ARMC3: variants seen among roughly 807,000 people sequenced by gnomAD.
The protein encoded by ARMC3 is armadillo repeat containing 3.
ARMC3 carries 74 observed loss-of-function variants against 90.3 expected under a neutral mutation model. The ratio of observed to expected loss-of-function variants is 0.82; its 90% CI spans 0.68 to 0.99. The LOEUF (loss-of-function observed/expected upper bound fraction) is 0.99. Among genes scored for constraint, ARMC3 ranks in the 50% least tolerant of loss-of-function variants. ARMC3 has a pLI of 0.00. For missense variants in ARMC3, 958 were observed against 1,042.8 expected, an observed-to-expected ratio of 0.92 and a Z score of 1.12; for synonymous variants, 334 against 361.8, an observed-to-expected ratio of 0.92 and a Z score of 0.87.
At chr10:22,973,980 G>A (rs756765525) in intron 8 of ARMC3, among the ~76,000 whole-genome samples, 1 of 151,784 alleles carries the variant, frequency 6.6e-6, no homozygotes, top group Non-Finnish European at 1.5e-5. Flanking sequence ...GGATGGTCTT[G>A]ATCTCCTGAC....
At chr10:22,982,396 A>T (rs894660061) in intron 10 of ARMC3, among the ~76,000 whole-genome samples, 16 of 152,242 alleles carry the variant, frequency 1.1e-4, no homozygotes, top group Non-Finnish European at 2.4e-4. Context: ...ACAAACAAAC[A>T]AACCAAAGCA....
intron 8 of ARMC3, among the ~76,000 whole-genome samples, chr10:22,981,104 C>A (rs985757109): frequency 6.6e-6 from 1 of 152,202 alleles, no homozygotes; most frequent in Non-Finnish European, 1.5e-5. Context: ...CTAGTACAGA[C>A]TTTCCTTGGC....
Position 22,963,694 on chromosome 10 carries a change from G to A in ARMC3, c.732+1616G>A, listed in dbSNP as rs577543241. On this transcript the variant is annotated intron_variant, in intron 7 of 18. Transcript: ENST00000298032. Reference sequence around the variant, plus strand: ...ATCACAAGGTCAGGAGATCGAGACCGTCTTGCCCAACATGGTGAAACCCCG... The same window carrying A: ...ATCACAAGGTCAGGAGATCGAGACCATCTTGCCCAACATGGTGAAACCCCG... Among the ~76,000 whole-genome samples, 283 of 151,718 alleles carry A rather than the reference G, an allele frequency of 1.9e-3. 1 individual carries two copies. Among genetic ancestry groups the A allele is most frequent in the African/African-American group, 6.3e-3 (259 of 41,388 alleles).
At chr10:23,012,436 A>G (rs1838060090) in intron 16 of ARMC3, among the ~76,000 whole-genome samples, 2 of 151,556 alleles carry the variant, frequency 1.3e-5, no homozygotes, top group African/African-American at 4.9e-5. Context: ...TTTAGCTCCC[A>G]CTCCAAAGCT....
intron 16 of ARMC3, among the ~76,000 whole-genome samples, chr10:23,020,707 T>C (rs1838474889): frequency 6.6e-6 from 1 of 152,240 alleles, no homozygotes; most frequent in South Asian, 2.1e-4. Context: ...GTTAGCATTT[T>C]TTCATGTGCT....
chr10:22,976,665 T>G (rs1340450191), intron 8 of ARMC3, among the ~76,000 whole-genome samples: 1 of 152,206 alleles, frequency 6.6e-6, no homozygotes, highest in Non-Finnish European at 1.5e-5. Flanking sequence ...TTCAGCTGCC[T>G]CCTTATTTGC....
Position 23,032,872 on chromosome 10 carries a change from A to G in ARMC3, c.2258A>G (p.Glu753Gly), listed in dbSNP as rs749335573. Residue 753 changes from glutamate to glycine, a missense_variant, in exon 18 of 19, where the codon GAA (glutamate) becomes GGA (glycine). By Grantham distance (98) the Glu-to-Gly change is moderately conservative. Transcript: ENST00000298032. ...QIEDLAKYVAEKMGGKIPKEK... is the reference protein window; with the variant it reads ...QIEDLAKYVAGKMGGKIPKEK... ...TGTAATTGACACAGGTATGTAGCAG[A>G]AAAAATGGGTGGTAAGATTCCAAAA... 6.8e-6 allele frequency: 11 copies of G among 1,611,838 alleles called. No homozygotes were observed. Among genetic ancestry groups the G allele is most frequent in the Non-Finnish European group, 9.3e-6 (11 of 1,179,010 alleles).
intron 16 of ARMC3, among the ~76,000 whole-genome samples, chr10:23,009,336 C>G (rs373792464): frequency 2.6e-5 from 4 of 152,356 alleles, no homozygotes; most frequent in East Asian, 1.9e-4. Flanking sequence ...GTCCCACGCT[C>G]TCTCCTCCCG....
At chr10:22,939,864 T>C (rs905202607) in intron 2 of ARMC3, among the ~76,000 whole-genome samples, 1 of 151,880 alleles carries the variant, frequency 6.6e-6, no homozygotes, top group East Asian at 1.9e-4. Flanking sequence ...AAAGGCAGAA[T>C]AAAAGGAACA....
At chr10:23,024,393 C>CATAGATAGATAG (rs546077538) in intron 16 of ARMC3, among the ~76,000 whole-genome samples, 195 of 133,540 alleles carry the variant, frequency 1.5e-3, no homozygotes, top group African/African-American at 4.6e-3. Context: ...AGGAATGCCA[C>CATAGATAGATAG]ATAGATAGAT....
chr10:22,994,324 G>A (rs1588890297), intron 10 of ARMC3, among the ~76,000 whole-genome samples: 1 of 152,204 alleles, frequency 6.6e-6, no homozygotes, highest in African/African-American at 2.4e-5. Context: ...AACAGGAAGA[G>A]GCGGCGAGGG....
chr10:23,028,406 T>G lies in ARMC3; in HGVS notation c.2046-2190T>G, dbSNP rs530484481. ...TTTGATCTTACTTCTTGAAGCATTTTTAAAGTCTTTGTGTAATCAACATCT... is the reference window on the plus strand; with the variant it reads ...TTTGATCTTACTTCTTGAAGCATTTGTAAAGTCTTTGTGTAATCAACATCT... On this transcript the variant is annotated intron_variant, in intron 16 of 18. Coordinates refer to ENST00000298032, the MANE Select transcript of ARMC3 (RefSeq NM_173081.5). Among the ~76,000 whole-genome samples the G allele has an allele frequency of 3.3e-5, 5 of 152,348 alleles. No individual in the cohort carries two copies. In the East Asian group the frequency reaches 5.8e-4, roughly 18 times the overall value.
intron 10 of ARMC3, among the ~76,000 whole-genome samples, chr10:22,997,845 C>A (rs934229061): frequency 2.6e-5 from 4 of 151,978 alleles, no homozygotes; most frequent in Admixed American, 6.6e-5. Flanking sequence ...AATGGTTGTA[C>A]CTTTTTTTTA....
intron 8 of ARMC3, among the ~76,000 whole-genome samples, chr10:22,978,779 T>A: frequency 6.6e-6 from 1 of 152,056 alleles, no homozygotes; most frequent in Non-Finnish European, 1.5e-5. Context: ...TTGACAAATA[T>A]TGCTCCTTAT....
In ARMC3 at chr10:23,008,828, C is replaced by T; in HGVS notation, c.1942C>T (p.His648Tyr). The change falls in exon 16 of 19, where the codon CAT becomes TAT. Residue 648 changes from histidine (H) to tyrosine (Y), a missense_variant. Physicochemically the swap from His to Tyr is moderately conservative, Grantham distance 83 (BLOSUM62 2). Coordinates refer to ENST00000298032, the MANE Select transcript of ARMC3 (RefSeq NM_173081.5). The part of the protein sequence containing the change: ...SKEKNKKNSY[H>Y]FSAGFGSPIE... ...TCAAATGACAAGAAAAAATAGTTAT[C>T]ATTTTAGTGCTGGATTTGGATCTCC... The T allele has an allele frequency of 6.2e-7, 1 of 1,611,002 alleles. No homozygotes were observed.
chr10:22,963,914 CACACACACAAAAAAAAAA>C (rs1835321126), intron 7 of ARMC3, among the ~76,000 whole-genome samples: 1 of 30,730 alleles, frequency 3.3e-5, no homozygotes, highest in African/African-American at 1.3e-4. Flanking sequence ...CACACACACA[CACACACACAAAAAAAAAA>C]AAAAAAAAAA....
intron 16 of ARMC3, among the ~76,000 whole-genome samples, chr10:23,024,407 T>TAGAC (rs1339172300): frequency 8.1e-6 from 1 of 123,432 alleles, no homozygotes; most frequent in African/African-American, 2.7e-5. Context: ...GATAGATAGA[T>TAGAC]AGATAGATAG....
chr10:22,980,749 ATAAT>A (rs1836150295), intron 8 of ARMC3, among the ~76,000 whole-genome samples: 1 of 152,178 alleles, frequency 6.6e-6, no homozygotes, highest in African/African-American at 2.4e-5. Flanking sequence ...ATTTAATTAA[ATAAT>A]TATTTTAATT....
chr10:22,953,720 A>G (rs1834819155), intron 3 of ARMC3, among the ~76,000 whole-genome samples: 1 of 152,214 alleles, frequency 6.6e-6, no homozygotes, highest in Non-Finnish European at 1.5e-5. Context: ...GCATCCAGAA[A>G]ATTTGTAGTT....
Sources: gnomAD v4.1 joint callset for allele counts (sites outside exome capture counted in the v4.1 genomes callset) on GRCh38, gnomAD v4.1.1 for gene constraint, MANE v1.5 for transcripts, NCBI Gene and HGNC (gene_info 2026-07-23, HGNC 2026-07-21) for gene names.